FAT3: variants seen among roughly 807,000 people sequenced by gnomAD.
FAT3 encodes the protein protocadherin Fat 3.
FAT3 carries 95 observed loss-of-function variants against 310.2 expected under a neutral mutation model. The observed-to-expected ratio is 0.31, with a 90% CI of 0.26 to 0.36. FAT3 has a LOEUF of 0.36. Ranked by LOEUF, FAT3 falls within the 10% of genes least tolerant of loss-of-function variation. The probability of loss-of-function intolerance (pLI) is 1.00; values close to 1 mark genes in which losing one functional copy is unlikely to be tolerated. For synonymous variants in FAT3, 2,314 were observed against 2,192.9 expected (o/e 1.06, Z -1.54); for missense variants, 5,408 against 5,715.6 (o/e 0.95, Z 1.74).
chr11:92,701,920 A>G (rs1377800659), intron 4 of FAT3, among the ~76,000 whole-genome samples: 1 of 152,050 alleles, frequency 6.6e-6, no homozygotes, highest in African/African-American at 2.4e-5. Flanking sequence ...TTTTTTACCT[A>G]TGAGATGTTT....
chr11:92,278,038 C>T (rs1232218886), intron 1 of FAT3, among the ~76,000 whole-genome samples: 1 of 152,024 alleles, frequency 6.6e-6, no homozygotes, highest in Non-Finnish European at 1.5e-5. Context: ...TGTAATTGCA[C>T]CACTGCACTC....
chr11:92,866,621 A>G (rs1591830610), intron 21 of FAT3, 120 bp from the exon 22 acceptor site: 1 of 867,844 alleles, frequency 1.2e-6, no homozygotes, highest in East Asian at 2.7e-5. Context: ...TGAGTAGAGC[A>G]AAAGTCATGT....
chr11:92,844,563 C>A lies in FAT3; in HGVS notation c.11196C>A (p.Ile3732=), dbSNP rs1274086194. 2 of 1,614,036 alleles carry A rather than the reference C, an allele frequency of 1.2e-6. No individual in the cohort carries two copies. Among genetic ancestry groups the A allele is most frequent in the Non-Finnish European group, 1.7e-6 (2 of 1,179,908 alleles). ...LSNARRHLEN[I]MRISAILEKN... ...ATGCTAGAAGACACCTGGAGAATAT[C>A]ATGCGCATCTCAGCCATCTTGGAGA... is the stretch of plus-strand genomic sequence containing the variant. Residue 3732 remains isoleucine (I), a synonymous_variant, in exon 19 of 28, where the codon ATC becomes ATA. Transcript: ENST00000525166.
chr11:92,316,966 C>T (rs886652021), intron 1 of FAT3, among the ~76,000 whole-genome samples: 4 of 152,142 alleles, frequency 2.6e-5, no homozygotes, highest in African/African-American at 9.7e-5. Flanking sequence ...TTGGCTGTGC[C>T]ACCAAGGAGG....
chr11:92,393,456 G>A (rs1048648818), intron 2 of FAT3, among the ~76,000 whole-genome samples: 7 of 152,028 alleles, frequency 4.6e-5, no homozygotes, highest in Admixed American at 3.3e-4. Flanking sequence ...GGATTTCGCC[G>A]CCAAACCATC....
At chr11:92,262,091 A>G (rs1471026290) in intron 1 of FAT3, among the ~76,000 whole-genome samples, 2 of 151,988 alleles carry the variant, frequency 1.3e-5, no homozygotes, top group African/African-American at 2.4e-5. Context: ...CTACCATATT[A>G]GATTAGCTTT....
At chr11:92,698,962 G>T (rs1041099383) in intron 4 of FAT3, among the ~76,000 whole-genome samples, 3 of 152,184 alleles carry the variant, frequency 2.0e-5, no homozygotes, top group Non-Finnish European at 4.4e-5. Context: ...GGTCGTCTCT[G>T]TCATCAGGAG....
intron 13 of FAT3, among the ~76,000 whole-genome samples, chr11:92,811,328 T>G (rs1361617554): frequency 6.6e-6 from 1 of 152,204 alleles, no homozygotes; most frequent in South Asian, 2.1e-4. Flanking sequence ...AATTTGATTT[T>G]GAGAATGTAT....
At chr11:92,481,677 A>C (rs1342458208) in intron 2 of FAT3, among the ~76,000 whole-genome samples, 1 of 152,194 alleles carries the variant, frequency 6.6e-6, no homozygotes, top group African/African-American at 2.4e-5. Context: ...AGTTCTCTTA[A>C]TTACTGTACT....
chr11:92,639,363 G>A (rs1171171212), intron 3 of FAT3, among the ~76,000 whole-genome samples: 1 of 152,158 alleles, frequency 6.6e-6, no homozygotes, highest in Admixed American at 6.5e-5. Context: ...TGAGAACCAT[G>A]CATACTCAAG....
chr11:92,500,395 C>T (rs562081718), intron 2 of FAT3, among the ~76,000 whole-genome samples: 1 of 151,680 alleles, frequency 6.6e-6, no homozygotes, highest in African/African-American at 2.4e-5. Context: ...TTAAAAATAC[C>T]TGTATTTATC....
intron 2 of FAT3, among the ~76,000 whole-genome samples, chr11:92,362,798 A>G (rs1420844647): frequency 1.3e-5 from 2 of 152,192 alleles, no homozygotes; most frequent in African/African-American, 4.8e-5. Flanking sequence ...AAGTTTTAAA[A>G]TATTTTGAAT....
rs762066424 is a variant in FAT3, at chr11:92,844,451, G to A, written c.11084G>A (p.Gly3695Asp). Residue 3695 changes from glycine to aspartate, a missense_variant, in exon 19 of 28, where the codon GGC (glycine) becomes GAC (aspartate). By Grantham distance (94) the Gly-to-Asp change is moderately conservative. Around this residue, in one of 5 missense-constraint regions of FAT3, gnomAD observed 4,588 missense variants for 4,809.8 expected, o/e 0.95. Transcript: ENST00000525166. The stretch of plus-strand genomic sequence containing the variant: ...ATCATCAGCATCCAGCCCGTGGCAG[G>A]CACCAACCAACTGGACATGCTGTTT... The part of the protein sequence containing the change: ...LRIISIQPVA[G>D]TNQLDMLFAV... The A allele has an allele frequency of 1.9e-6, 3 of 1,613,964 alleles. No homozygotes were observed. Among genetic ancestry groups the A allele is most frequent in the East Asian group, 2.2e-5 (1 of 44,876 alleles).
At chr11:92,384,075 A>G (rs1711630208) in intron 2 of FAT3, among the ~76,000 whole-genome samples, 1 of 152,166 alleles carries the variant, frequency 6.6e-6, no homozygotes, top group Non-Finnish European at 1.5e-5. Context: ...CCCCTCCCCA[A>G]AGGAACATGT....
chr11:92,478,958 T>TTTCTTTCTTTCTTTCTTTC (rs762531307), intron 2 of FAT3, among the ~76,000 whole-genome samples: 2,955 of 112,636 alleles, frequency 0.026, 144 homozygotes, highest in East Asian at 0.071. Context: ...CTTTCTTTTC[T>TTTCTTTCTTTCTTTCTTTC]TTTCTTTTCT....
intron 4 of FAT3, among the ~76,000 whole-genome samples, chr11:92,761,006 T>G (rs1328855298): frequency 6.6e-6 from 1 of 152,188 alleles, no homozygotes; most frequent in Middle Eastern, 3.2e-3. Flanking sequence ...GTACTTAAAA[T>G]CAGACATCAA....
intron 3 of FAT3, among the ~76,000 whole-genome samples, chr11:92,644,668 C>A (rs1380855679): frequency 1.3e-5 from 2 of 152,224 alleles, no homozygotes; most frequent in South Asian, 2.1e-4. Flanking sequence ...CGTGACTTGA[C>A]TGTCCTGAGG....
chr11:92,371,045 A>G (rs1001829086), intron 2 of FAT3, among the ~76,000 whole-genome samples: 1 of 152,224 alleles, frequency 6.6e-6, no homozygotes, highest in African/African-American at 2.4e-5. Flanking sequence ...ATTTCCTGAT[A>G]TGTAATCCTA....
intron 13 of FAT3, among the ~76,000 whole-genome samples, chr11:92,823,381 C>G (rs1299772614): frequency 6.6e-6 from 1 of 152,146 alleles, no homozygotes; most frequent in Non-Finnish European, 1.5e-5. Context: ...CCCAGATAAG[C>G]TGCAGCTTTT....
Sources: gnomAD v4.1 joint callset for allele counts (sites outside exome capture counted in the v4.1 genomes callset) on GRCh38, gnomAD v4.1.1 for gene constraint, gnomAD v4.1.1 regional missense constraint, MANE v1.5 for transcripts, NCBI Gene and HGNC (gene_info 2026-07-23, HGNC 2026-07-21) for gene names.